Variants in ZNF600 observed in about 807,000 individuals in gnomAD.
ZNF600 encodes zinc finger protein 600.
A neutral mutation model predicts 7.3 loss-of-function variants in ZNF600; 4 were observed. The observed-to-expected ratio is 0.55, with a 90% CI of 0.27 to 1.25. The LOEUF is 1.25. ZNF600 is among the 50% of genes most tolerant of loss of function. The pLI, the probability that ZNF600 is intolerant of heterozygous loss-of-function variation, is 0.12. For missense variants in ZNF600, 911 were observed against 922.1 expected, an observed-to-expected ratio of 0.99 and a Z score of 0.16; for synonymous variants, 290 against 308.9, an observed-to-expected ratio of 0.94 and a Z score of 0.64.
chr19:52,777,070 C>T (rs1250752661), intron 2 of ZNF600, among the ~76,000 whole-genome samples: 2 of 152,142 alleles, frequency 1.3e-5, no homozygotes, highest in African/African-American at 2.4e-5. Context: ...CTTTCCACTC[C>T]ATCCCAAGTC....
chr19:52,780,003 G>T (rs1275103913), intron 1 of ZNF600, among the ~76,000 whole-genome samples: 1 of 152,038 alleles, frequency 6.6e-6, no homozygotes, highest in African/African-American at 2.4e-5. Flanking sequence ...GTGACAAAAG[G>T]AGACTTCATC....
chr19:52,808,011 G>A, the ZNF600 span: 1 of 1,613,272 alleles, frequency 6.2e-7, no homozygotes, highest in Admixed American at 1.7e-5. Flanking sequence ...CCTCACCCAG[G>A]GAGACCAGGT....
chr19:52,816,592 A>AAT, the ZNF600 span, among the ~76,000 whole-genome samples: 3 of 145,194 alleles, frequency 2.1e-5, no homozygotes, highest in Non-Finnish European at 4.4e-5. Flanking sequence ...TGAACCCAGG[A>AAT]GGCAGAGCTT....
intron 1 of ZNF600, among the ~76,000 whole-genome samples, chr19:52,782,812 T>C (rs576466589): frequency 6.6e-6 from 1 of 151,678 alleles, no homozygotes; most frequent in African/African-American, 2.4e-5. Context: ...GAGCCGGAGG[T>C]TGCAGTGAGT....
At chr19:52,807,763 C>A in the ZNF600 span, 2 of 673,144 alleles carry the variant, frequency 3.0e-6, no homozygotes, top group East Asian at 3.3e-5. Context: ...GCGTGAGCCA[C>A]CACGACCAGG....
the ZNF600 span, among the ~76,000 whole-genome samples, chr19:52,804,261 T>C: frequency 1.3e-5 from 2 of 152,224 alleles, no homozygotes; most frequent in Non-Finnish European, 2.9e-5. Flanking sequence ...GAGAAATCAA[T>C]GTCTTTGTCT....
chr19:52,816,149 G>A, the ZNF600 span, among the ~76,000 whole-genome samples: 1 of 147,124 alleles, frequency 6.8e-6, no homozygotes, highest in Non-Finnish European at 1.5e-5. Flanking sequence ...AAGGGTCTAA[G>A]CTGCAGCTTT....
intron 2 of ZNF600, among the ~76,000 whole-genome samples, chr19:52,776,502 C>T (rs2062676569): frequency 6.6e-6 from 1 of 151,836 alleles, no homozygotes; most frequent in Non-Finnish European, 1.5e-5. Context: ...ACCTCGGCCA[C>T]CCAGGTTCAA....
the ZNF600 span, chr19:52,810,677 C>A: frequency 2.2e-6 from 2 of 896,936 alleles, no homozygotes; most frequent in Non-Finnish European, 3.8e-6. Flanking sequence ...AGGGGCCGGG[C>A]TAGAGCGACA....
chr19:52,809,913 G>A, the ZNF600 span: 7,001 of 836,496 alleles, frequency 8.4e-3, 52 homozygotes, highest in Non-Finnish European at 0.011. Context: ...TCTTGTGCCC[G>A]GGGCCGGTGG....
chr19:52,818,375 G>A, the ZNF600 span, among the ~76,000 whole-genome samples: 2 of 152,096 alleles, frequency 1.3e-5, no homozygotes, highest in South Asian at 2.1e-4. Flanking sequence ...TCAGAAGTTC[G>A]AGACCAGCCT....
chr19:52,787,768 G>A (rs916014502), upstream of ZNF600, among the ~76,000 whole-genome samples: 1 of 149,016 alleles, frequency 6.7e-6, no homozygotes, highest in Non-Finnish European at 1.5e-5. Context: ...GCTGAGACAG[G>A]AGAATGGAGT....
At chr19:52,828,301 C>T in the ZNF600 span, among the ~76,000 whole-genome samples, 2 of 152,046 alleles carry the variant, frequency 1.3e-5, no homozygotes, top group Non-Finnish European at 2.9e-5. Flanking sequence ...ATCCACCCAC[C>T]TCAACCCCCC....
chr19:52,808,650 A>G, the ZNF600 span, among the ~76,000 whole-genome samples: 5 of 151,652 alleles, frequency 3.3e-5, no homozygotes, highest in Non-Finnish European at 7.4e-5. Flanking sequence ...AAATTAAAAA[A>G]AAAAACAAAA....
chr19:52,788,225 A>G (rs1331014095), upstream of ZNF600, among the ~76,000 whole-genome samples: 2 of 152,196 alleles, frequency 1.3e-5, no homozygotes, highest in Non-Finnish European at 2.9e-5. Flanking sequence ...GGTTAGTGTG[A>G]GCAAACGTGT....
the ZNF600 span, among the ~76,000 whole-genome samples, chr19:52,817,695 C>G: frequency 6.6e-6 from 1 of 152,146 alleles, no homozygotes; most frequent in Non-Finnish European, 1.5e-5. Flanking sequence ...GACCCTCACC[C>G]CGTCTCCATC....
At chr19:52,778,307 C>A (rs745888185) in intron 2 of ZNF600, among the ~76,000 whole-genome samples, 1 of 150,632 alleles carries the variant, frequency 6.6e-6, no homozygotes, top group Non-Finnish European at 1.5e-5. Context: ...AGCACCTGAA[C>A]CAACATCCTG....
intron 2 of ZNF600, among the ~76,000 whole-genome samples, chr19:52,777,702 T>C (rs1463026104): frequency 6.6e-6 from 1 of 151,294 alleles, no homozygotes; most frequent in Non-Finnish European, 1.5e-5. Context: ...TGGTGGTGCA[T>C]CCTGAAGTCC....
chr19:52,829,108 C>A, the ZNF600 span, among the ~76,000 whole-genome samples: 1 of 152,158 alleles, frequency 6.6e-6, no homozygotes, highest in Admixed American at 6.5e-5. Context: ...TTGTGATTCA[C>A]CCGCCTCGGC....
Sources: gnomAD v4.1 joint callset for allele counts (sites outside exome capture counted in the v4.1 genomes callset) on GRCh38, gnomAD v4.1.1 for gene constraint, MANE v1.5 for transcripts, NCBI Gene and HGNC (gene_info 2026-07-23, HGNC 2026-07-21) for gene names.